The following TOX variants were observed in gnomAD, a reference collection of about 807,000 sequenced individuals.
TOX encodes the protein thymocyte selection associated high mobility group box.
In TOX, 11 loss-of-function variants were observed where a neutral mutation model predicts 53.7. The ratio of observed to expected loss-of-function variants is 0.20; its 90% CI spans 0.13 to 0.34. The LOEUF (loss-of-function observed/expected upper bound fraction) is 0.34. Among genes scored for constraint, TOX ranks in the 10% least tolerant of loss-of-function variants. TOX has a pLI of 1.00. For synonymous variants in TOX, 225 were observed against 245.3 expected (o/e 0.92, Z 0.77); for missense variants, 570 against 664.6 (o/e 0.86, Z 1.56).
At chr8:58,886,832 ATTTTATTTTATGTTTAT>A (rs1811476833) in intron 3 of TOX, among the ~76,000 whole-genome samples, 1 of 151,660 alleles carries the variant, frequency 6.6e-6, no homozygotes, top group African/African-American at 2.4e-5. Context: ...TATGTTTTAT[ATTTTATTTTATGTTTAT>A]TTTTATTTTA....
intron 1 of TOX, among the ~76,000 whole-genome samples, chr8:59,107,055 G>T (rs958206283): frequency 7.6e-6 from 1 of 131,284 alleles, no homozygotes; most frequent in Admixed American, 7.5e-5. Flanking sequence ...CTGGGGGGGG[G>T]GGGAACGTGA....
At chr8:58,873,481 A>T (rs10095658) in intron 3 of TOX, among the ~76,000 whole-genome samples, 32,783 of 151,974 alleles carry the variant, frequency 0.22, 3,815 homozygotes, top group African/African-American at 0.29. Context: ...CCAAACAGTC[A>T]GTTGGTGCCT....
chr8:58,902,988 C>T (rs1811754823), intron 3 of TOX, among the ~76,000 whole-genome samples: 1 of 152,216 alleles, frequency 6.6e-6, no homozygotes, highest in Admixed American at 6.5e-5. Flanking sequence ...TCTTGGCTGG[C>T]AGCCCAGCCT....
chr8:58,926,837 G>C (rs1812169448), intron 3 of TOX, among the ~76,000 whole-genome samples: 1 of 152,126 alleles, frequency 6.6e-6, no homozygotes, highest in Non-Finnish European at 1.5e-5. Context: ...GCTACCTGAG[G>C]CGCTAACGCT....
chr8:59,040,393 A>C (rs1299388921), intron 1 of TOX, among the ~76,000 whole-genome samples: 4 of 151,696 alleles, frequency 2.6e-5, no homozygotes, highest in Non-Finnish European at 5.9e-5. Flanking sequence ...CAGAGATGGA[A>C]TTTGCTATCT....
intron 1 of TOX, among the ~76,000 whole-genome samples, chr8:58,979,723 T>C (rs1164804662): frequency 6.6e-6 from 1 of 152,188 alleles, no homozygotes; most frequent in East Asian, 1.9e-4. Flanking sequence ...TTAAAAGCAA[T>C]ACAACATGGT....
At chr8:58,996,757 C>T (rs558647806) in intron 1 of TOX, among the ~76,000 whole-genome samples, 1 of 152,254 alleles carries the variant, frequency 6.6e-6, no homozygotes, top group South Asian at 2.1e-4. Flanking sequence ...GAAAACTATT[C>T]TTCATTTAAT....
rs185080652 is a variant in TOX at position 59,079,417 on chromosome 8, G to C, written c.102+39469C>G. Among the ~76,000 whole-genome samples the C allele has an allele frequency of 7.2e-4, 110 of 152,286 alleles. 1 individual carries two copies. In the East Asian group the frequency reaches 0.012, roughly 17 times the overall value. The stretch of plus-strand genomic sequence containing the variant: ...AGAATGATTTCATGGGCATGGCCTA[G>C]GTTTCTGCTGGCCTTTAACGCCTTG... On this transcript the variant is annotated intron_variant, in intron 1 of 8. Coordinates refer to ENST00000361421, the MANE Select transcript of TOX (RefSeq NM_014729.3).
At chr8:58,818,685 C>T (rs1189175624) in intron 6 of TOX, among the ~76,000 whole-genome samples, 3 of 152,178 alleles carry the variant, frequency 2.0e-5, no homozygotes, top group Admixed American at 6.5e-5. Context: ...CCAGACACAC[C>T]GTTCCTCTTC....
intron 1 of TOX, among the ~76,000 whole-genome samples, chr8:59,001,183 T>G (rs1344155373): frequency 1.3e-5 from 2 of 152,210 alleles, no homozygotes; most frequent in Non-Finnish European, 2.9e-5. Flanking sequence ...CAGGAAGAAC[T>G]TTTCTCAGGT....
intron 1 of TOX, among the ~76,000 whole-genome samples, chr8:59,097,820 T>A (rs1035216764): frequency 6.6e-6 from 1 of 152,212 alleles, no homozygotes; most frequent in Admixed American, 6.5e-5. Flanking sequence ...TTTTCATGCA[T>A]CCTGTAAGCA....
chr8:59,096,368 C>T (rs545184842), intron 1 of TOX, among the ~76,000 whole-genome samples: 19 of 152,196 alleles, frequency 1.2e-4, no homozygotes, highest in Non-Finnish European at 2.8e-4. Flanking sequence ...TTACTAACCT[C>T]AAACCAGTGC....
At chr8:58,998,540 AATT>A (rs1813621489) in intron 1 of TOX, among the ~76,000 whole-genome samples, 1 of 117,870 alleles carries the variant, frequency 8.5e-6, no homozygotes, top group African/African-American at 3.9e-5. Flanking sequence ...TATATATATA[AATT>A]TATATATAAT....
intron 1 of TOX, among the ~76,000 whole-genome samples, chr8:59,094,038 TAAAC>T (rs1229265385): frequency 3.3e-5 from 5 of 152,150 alleles, no homozygotes; most frequent in Admixed American, 1.3e-4. Context: ...AAAATTATAA[TAAAC>T]AAAATAAAAA....
intron 3 of TOX, among the ~76,000 whole-genome samples, chr8:58,857,742 T>C (rs1046787028): frequency 3.9e-5 from 6 of 152,156 alleles, no homozygotes; most frequent in Non-Finnish European, 7.4e-5. Flanking sequence ...TTTCAGCATA[T>C]GTTTTCACTT....
intron 1 of TOX, among the ~76,000 whole-genome samples, chr8:59,104,591 A>G (rs1394611630): frequency 6.6e-6 from 1 of 152,310 alleles, no homozygotes; most frequent in African/African-American, 2.4e-5. Flanking sequence ...TTAAATGTTG[A>G]ATTATAGCTT....
chr8:58,809,126 T>C (rs910314413), intron 7 of TOX, among the ~76,000 whole-genome samples: 2 of 152,218 alleles, frequency 1.3e-5, no homozygotes, highest in African/African-American at 4.8e-5. Flanking sequence ...CTCTGGTGAA[T>C]TCAAGATCAA....
chr8:58,984,029 T>G (rs76453471), intron 1 of TOX, among the ~76,000 whole-genome samples: 6,343 of 152,218 alleles, frequency 0.042, 357 homozygotes, highest in African/African-American at 0.12. Flanking sequence ...CAAGATAAAT[T>G]ATATTTTAGT....
rs548343732 is a variant in TOX at position 58,914,493 on chromosome 8, C to T, written c.411+24809G>A. Among the ~76,000 whole-genome samples, 3 of 152,204 alleles carry T rather than the reference C, an allele frequency of 2.0e-5. No individual in the cohort carries two copies. The South Asian group carries it at 6.2e-4, about 32-fold the overall frequency. ...TTGTTCTCATTCAGGGGTATTTTTG[C>T]CTTCCAGAAGATATTTGTCAATGTC... On this transcript the variant is annotated intron_variant, in intron 3 of 8. Transcript: ENST00000361421.
Sources: allele counts gnomAD v4.1 joint callset (sites outside exome capture counted in the v4.1 genomes callset), GRCh38; gene constraint gnomAD v4.1.1; transcripts MANE v1.5; gene names NCBI Gene and HGNC (gene_info 2026-07-23, HGNC 2026-07-21).